Variants in FER1L6 observed in about 807,000 individuals in gnomAD.
FER1L6 encodes fer-1 like family member 6, also known as fer-1-like protein 6.
A neutral mutation model predicts 219.2 loss-of-function variants in FER1L6; 177 were observed. The observed-to-expected ratio is 0.81, with a 90% CI of 0.71 to 0.91. FER1L6 has a LOEUF of 0.91. FER1L6 is among the 40% of genes least tolerant of loss of function. FER1L6 has a pLI of 0.00. For synonymous variants in FER1L6, 768 were observed against 824.3 expected, an observed-to-expected ratio of 0.93 and a Z score of 1.17; for missense variants, 2,153 against 2,259.9, an observed-to-expected ratio of 0.95 and a Z score of 0.96.
chr8:123,980,707 G>T lies in FER1L6; in HGVS notation c.1306G>T (p.Gly436Cys). The change falls in exon 11 of 41, where the codon GGT becomes TGT. Residue 436 changes from glycine to cysteine, a missense_variant. Transcript: ENST00000522917. ...GGACAAAGACTCCAAATCTTCCAAAGGTAAAGACAAGGCTGACAAAACTGA... is the reference window on the plus strand; with the variant it reads ...GGACAAAGACTCCAAATCTTCCAAATGTAAAGACAAGGCTGACAAAACTGA... ...SKDKDSKSSKGKDKADKTEDG... is the reference protein window; with the variant it reads ...SKDKDSKSSKCKDKADKTEDG... The T allele has an allele frequency of 6.2e-7, 1 of 1,614,072 alleles. No homozygotes were observed. Among genetic ancestry groups the T allele is most frequent in the South Asian group, 1.1e-5 (1 of 91,080 alleles).
intron 1 of FER1L6, among the ~76,000 whole-genome samples, chr8:123,890,498 A>G (rs1812620861): frequency 1.3e-5 from 2 of 151,736 alleles, no homozygotes; most frequent in African/African-American, 2.4e-5. Context: ...ATTTGGCTCT[A>G]TGAATAATCA....
At chr8:123,992,210 T>G (rs1260321184) in intron 12 of FER1L6, among the ~76,000 whole-genome samples, 2 of 152,164 alleles carry the variant, frequency 1.3e-5, no homozygotes, top group African/African-American at 4.8e-5. Context: ...GATATTGGCT[T>G]CATAGAATGA....
intron 13 of FER1L6, among the ~76,000 whole-genome samples, chr8:124,008,423 T>C (rs1029699956): frequency 6.6e-6 from 1 of 152,380 alleles, no homozygotes; most frequent in African/African-American, 2.4e-5. Flanking sequence ...TGTGCATATC[T>C]TTTTTGCTTA....
At chr8:123,984,110 G>A (rs1315013653) in intron 11 of FER1L6, 1 of 152,146 alleles carries the variant, frequency 6.6e-6, no homozygotes, top group Non-Finnish European at 1.5e-5. Context: ...ATTCTGCCCT[G>A]CTGAAATAAT....
chr8:123,998,259 C>T (rs544848864), intron 12 of FER1L6, among the ~76,000 whole-genome samples: 2 of 152,234 alleles, frequency 1.3e-5, no homozygotes, highest in South Asian at 4.1e-4. Flanking sequence ...AACACTGTGG[C>T]TCTTGCAGAG....
chr8:123,865,200 G>C (rs1208397096), intron 1 of FER1L6, among the ~76,000 whole-genome samples: 1 of 148,878 alleles, frequency 6.7e-6, no homozygotes, highest in Non-Finnish European at 1.5e-5. Flanking sequence ...CCTTCTAACA[G>C]ACAGGACCCT....
At chr8:124,101,021 G>A in intron 37 of FER1L6, 76 bp from the exon 38 acceptor site, 3 of 1,379,386 alleles carry the variant, frequency 2.2e-6, no homozygotes, top group Non-Finnish European at 2.0e-6. Context: ...ATTGAAATAA[G>A]CTAAATCACT....
chr8:123,890,020 A>T (rs147069015), intron 1 of FER1L6, among the ~76,000 whole-genome samples: 62 of 152,280 alleles, frequency 4.1e-4, no homozygotes, highest in African/African-American at 1.5e-3. Context: ...TTGGCTAATT[A>T]ACATTGCTCA....
intron 1 of FER1L6, among the ~76,000 whole-genome samples, chr8:123,921,712 A>C (rs976220022): frequency 1.3e-5 from 2 of 152,114 alleles, no homozygotes; most frequent in Admixed American, 1.3e-4. Flanking sequence ...AGGGCCAGAC[A>C]TGTCAACCGA....
intron 1 of FER1L6, among the ~76,000 whole-genome samples, chr8:123,864,429 A>T (rs1028405053): frequency 6.7e-6 from 1 of 149,986 alleles, no homozygotes; most frequent in Non-Finnish European, 1.5e-5. Context: ...CTTCATTTCA[A>T]CTTTGGTGAA....
intron 1 of FER1L6, among the ~76,000 whole-genome samples, chr8:123,857,678 G>A (rs1486603141): frequency 1.3e-5 from 2 of 151,892 alleles, no homozygotes; most frequent in African/African-American, 2.4e-5. Flanking sequence ...GGATGGGCTC[G>A]TCCTGGTGGC....
intron 11 of FER1L6, among the ~76,000 whole-genome samples, chr8:123,983,133 G>A (rs995420526): frequency 3.3e-5 from 5 of 152,192 alleles, no homozygotes; most frequent in Admixed American, 3.3e-4. Flanking sequence ...CACCTGAACA[G>A]CTCATGGCTC....
rs1819713011 is a variant in FER1L6, at chr8:124,045,977, A to G, written c.2724+76A>G. The G allele has an allele frequency of 1.9e-6, 3 of 1,548,306 alleles. No homozygotes were observed. The East Asian group carries it at 6.8e-5, about 35-fold the overall frequency. On this transcript the variant is annotated intron_variant, in intron 21 of 40. Coordinates refer to ENST00000522917, the MANE Select transcript of FER1L6 (RefSeq NM_001039112.2). ...GTTGAACTCACTCACTTTATTTTAAAGTAAATAAAGTCCTGACGCTGTGAG... is the reference window on the plus strand; with the variant it reads ...GTTGAACTCACTCACTTTATTTTAAGGTAAATAAAGTCCTGACGCTGTGAG...
At chr8:124,071,393 C>T in intron 30 of FER1L6, 113 bp from the exon 31 acceptor site, 1 of 1,410,090 alleles carries the variant, frequency 7.1e-7, no homozygotes. Context: ...TAGCACCAAA[C>T]CAGGTCCTGC....
intron 34 of FER1L6, among the ~76,000 whole-genome samples, chr8:124,093,760 A>AT (rs33910834): frequency 1.3e-5 from 2 of 151,120 alleles, no homozygotes; most frequent in African/African-American, 2.4e-5. Context: ...CTATTGGGAG[A>AT]TTTTTTTGTG....
At chr8:123,980,917 C>T in intron 11 of FER1L6, 106 bp downstream of exon 11, 4 of 1,006,734 alleles carry the variant, frequency 4.0e-6, no homozygotes, top group Middle Eastern at 2.6e-4. Context: ...TGTCTTATTC[C>T]CTCTGAAAAA....
rs376911462 is a variant in FER1L6, at chr8:123,879,464, C to T, written c.-8+27279C>T. On this transcript the variant is annotated intron_variant, in intron 1 of 40. Transcript: ENST00000522917. ...GCCTCAGCCTCCTGAGTAGCTGGGA[C>T]TACAGGCGCCCACCACCATGCCCAG... is the stretch of plus-strand genomic sequence containing the variant. Among the ~76,000 whole-genome samples, 413 of 152,008 alleles carry T rather than the reference C, an allele frequency of 2.7e-3. 5 individuals carry two copies. Among genetic ancestry groups the T allele is most frequent in the South Asian group, 0.021 (103 of 4,798 alleles).
intron 37 of FER1L6, 87 bp from the exon 38 acceptor site, chr8:124,101,010 C>A: frequency 8.0e-7 from 1 of 1,247,086 alleles, no homozygotes; most frequent in South Asian, 1.3e-5. Flanking sequence ...TCTGTGACCA[C>A]ATTGAAATAA....
In FER1L6 at chr8:123,942,961, G is replaced by A. The variant is rs562018340; in HGVS notation, c.-7-13031G>A. On this transcript the variant is annotated intron_variant, in intron 1 of 40. Transcript: ENST00000522917. ...CTCAGAATACAGGTCCCAAAGATAT[G>A]CCATAGAGTGGAGGCAGCAGGCTGG... 7.2e-5 allele frequency among the ~76,000 whole-genome samples: 11 copies of A among 152,294 alleles called. No homozygotes were observed. In the South Asian group the frequency reaches 2.3e-3, roughly 32 times the overall value.
Sources: gnomAD v4.1 joint callset for allele counts (sites outside exome capture counted in the v4.1 genomes callset) on GRCh38, gnomAD v4.1.1 for gene constraint, MANE v1.5 for transcripts, NCBI Gene and HGNC (gene_info 2026-07-23, HGNC 2026-07-21) for gene names.